C2CD3: variants seen among roughly 807,000 people sequenced by gnomAD.
The protein encoded by C2CD3 is C2 domain-containing protein 3.
C2CD3 carries 148 observed loss-of-function variants against 234.0 expected under a neutral mutation model. The ratio of observed to expected loss-of-function variants is 0.63; its 90% CI spans 0.55 to 0.72. The LOEUF (loss-of-function observed/expected upper bound fraction) is 0.72, where lower values mean the gene tolerates loss of function less well. Among genes scored for constraint, C2CD3 ranks in the 30% least tolerant of loss-of-function variants. The pLI is 0.00. For synonymous variants in C2CD3, 1,000 were observed against 1,035.4 expected (o/e 0.97, Z 0.66); for missense variants, 2,577 against 2,811.5 (o/e 0.92, Z 1.89).
chr11:74,036,387 G>T, intron 30 of C2CD3: 1 of 455,242 alleles, frequency 2.2e-6, no homozygotes, highest in South Asian at 1.6e-5. Flanking sequence ...GCCTGGCACA[G>T]ATGGTGCTCA....
At chr11:74,034,621 T>C in intron 30 of C2CD3, 1 of 1,607,246 alleles carries the variant, frequency 6.2e-7, no homozygotes. Flanking sequence ...ATATTAAAAA[T>C]CAAAATGAGA....
intron 17 of C2CD3, among the ~76,000 whole-genome samples, chr11:74,094,633 G>A (rs1956039308): frequency 6.6e-6 from 1 of 152,114 alleles, no homozygotes; most frequent in Non-Finnish European, 1.5e-5. Flanking sequence ...CTTCCAATCT[G>A]GGTACAGTAG....
intron 7 of C2CD3, among the ~76,000 whole-genome samples, chr11:74,124,960 G>T: frequency 6.6e-6 from 1 of 151,934 alleles, no homozygotes; most frequent in East Asian, 1.9e-4. Context: ...TGTGTTCCTT[G>T]GCCATAAAAT....
At chr11:74,155,731 G>A (rs1855969149) in intron 3 of C2CD3, among the ~76,000 whole-genome samples, 1 of 152,218 alleles carries the variant, frequency 6.6e-6, no homozygotes, top group Admixed American at 6.5e-5. Context: ...GTCAAGGGCG[G>A]GGGCAGAGAG....
chr11:74,129,270 C>A (rs1310552188), intron 7 of C2CD3: 1 of 177,772 alleles, frequency 5.6e-6, no homozygotes, highest in Non-Finnish European at 1.2e-5. Flanking sequence ...GGGCTCCTCA[C>A]TTCTCAGACG....
At chr11:74,044,861 T>G (rs976468150) in intron 28 of C2CD3, among the ~76,000 whole-genome samples, 2 of 152,054 alleles carry the variant, frequency 1.3e-5, no homozygotes, top group Admixed American at 1.3e-4. Flanking sequence ...TCCAGCTGCA[T>G]CCACGTTGCT....
chr11:74,128,827 ACACAGCACATGTTTCAGAGAGCACAGGGT>A (rs1230154742), intron 7 of C2CD3: 5 of 226,410 alleles, frequency 2.2e-5, no homozygotes, highest in African/African-American at 1.2e-4. Flanking sequence ...CCCTGAGTGG[ACACAGCACATGTTTCAGAGAGCACAGGGT>A]TGGGGATAAG....
intron 15 of C2CD3, among the ~76,000 whole-genome samples, chr11:74,099,851 G>A (rs1726742): frequency 0.039 from 5,945 of 150,668 alleles, 393 homozygotes; most frequent in African/African-American, 0.14. Context: ...AGCCGAGATC[G>A]TGCCACTGCA....
chr11:74,148,502 A>G (rs1302009555), intron 3 of C2CD3, among the ~76,000 whole-genome samples: 1 of 152,096 alleles, frequency 6.6e-6, no homozygotes, highest in East Asian at 1.9e-4. Context: ...CTTATATAAT[A>G]GCATAAGTTT....
chr11:74,141,737 G>A (rs1958053715), intron 3 of C2CD3, among the ~76,000 whole-genome samples: 1 of 152,092 alleles, frequency 6.6e-6, no homozygotes, highest in Non-Finnish European at 1.5e-5. Context: ...GACTCACACT[G>A]TAATCCCAGC....
intron 1 of C2CD3, 63 bp downstream of exon 1, chr11:74,170,675 C>G: frequency 6.3e-7 from 1 of 1,596,282 alleles, no homozygotes; most frequent in Non-Finnish European, 8.6e-7. Flanking sequence ...GCGGGTCTCC[C>G]TAAAATTCCT....
intron 3 of C2CD3, among the ~76,000 whole-genome samples, chr11:74,160,595 A>AG (rs2135568943): frequency 6.6e-6 from 1 of 152,270 alleles, no homozygotes; most frequent in East Asian, 1.9e-4. Context: ...GGAAGGTAGC[A>AG]GGGAGGGAGG....
intron 28 of C2CD3, among the ~76,000 whole-genome samples, chr11:74,043,617 T>C (rs1200910929): frequency 2.6e-5 from 4 of 152,138 alleles, no homozygotes; most frequent in Admixed American, 6.5e-5. Flanking sequence ...TTCCAATTTA[T>C]CTACCCCTTC....
At chr11:74,059,055 T>C (rs755829502) in intron 24 of C2CD3, among the ~76,000 whole-genome samples, 9 of 152,074 alleles carry the variant, frequency 5.9e-5, no homozygotes, top group Non-Finnish European at 1.0e-4. Context: ...TAAAATGCTA[T>C]GAATGTCAGG....
chr11:74,037,450 T>A (rs2135416794), intron 30 of C2CD3, 28 bp downstream of exon 30: 3 of 1,563,392 alleles, frequency 1.9e-6, no homozygotes, highest in Non-Finnish European at 2.6e-6. Flanking sequence ...GACCATAACA[T>A]CTCAACAAGA....
At chr11:74,034,573 G>A (rs1388746245) in intron 30 of C2CD3, 3 of 1,613,670 alleles carry the variant, frequency 1.9e-6, no homozygotes, top group Non-Finnish European at 1.7e-6. Context: ...GAGTCCTGGT[G>A]GGCATGTTCA....
At chr11:74,113,334 TA>T (rs1196548547) in intron 11 of C2CD3, 3 of 166,586 alleles carry the variant, frequency 1.8e-5, no homozygotes, top group Non-Finnish European at 2.6e-5. Context: ...GGGTTTCTTT[TA>T]GGGGGGATGA....
intron 32 of C2CD3, among the ~76,000 whole-genome samples, chr11:74,022,957 G>A (rs116841814): frequency 5.9e-5 from 9 of 152,342 alleles, no homozygotes; most frequent in East Asian, 5.8e-4. Context: ...TGTGGCACTC[G>A]TTATTCTACA....
chr11:74,121,132 C>T (rs1957198303), intron 8 of C2CD3, among the ~76,000 whole-genome samples: 1 of 152,102 alleles, frequency 6.6e-6, no homozygotes, highest in Non-Finnish European at 1.5e-5. Flanking sequence ...GATTCTAACA[C>T]CATGCTCAAG....
Sources: allele counts gnomAD v4.1 joint callset (sites outside exome capture counted in the v4.1 genomes callset), GRCh38; gene constraint gnomAD v4.1.1; transcripts MANE v1.5; gene names NCBI Gene and HGNC (gene_info 2026-07-23, HGNC 2026-07-21).